Variants in TSHZ3 observed in about 807,000 individuals in gnomAD.
TSHZ3 encodes teashirt homolog 3.
A neutral mutation model predicts 64.5 loss-of-function variants in TSHZ3; 10 were observed. The ratio of observed to expected loss-of-function variants is 0.16; its 90% CI spans 0.10 to 0.26. The LOEUF (loss-of-function observed/expected upper bound fraction) is 0.26. Ranked by LOEUF, TSHZ3 falls within the 10% of genes least tolerant of loss-of-function variation. TSHZ3 has a pLI of 1.00. For synonymous variants in TSHZ3, 608 were observed against 593.1 expected (o/e 1.03, Z -0.36); for missense variants, 1,242 against 1,421.7 (o/e 0.87, Z 2.03).
At chr19:31,283,257 C>A (rs1837629288) in intron 1 of TSHZ3, among the ~76,000 whole-genome samples, 1 of 152,152 alleles carries the variant, frequency 6.6e-6, no homozygotes, top group Non-Finnish European at 1.5e-5. Flanking sequence ...TCACTTGAAC[C>A]CGGAGGTGGA....
intron 5 of TSHZ3, among the ~76,000 whole-genome samples, chr19:31,197,499 A>T (rs909660246): frequency 3.3e-5 from 5 of 151,678 alleles, no homozygotes; most frequent in Non-Finnish European, 7.4e-5. Flanking sequence ...GAAAAAAAAA[A>T]TAGAGAAAAT....
At chr19:31,322,684 T>G (rs943601476) in intron 1 of TSHZ3, among the ~76,000 whole-genome samples, 1 of 152,204 alleles carries the variant, frequency 6.6e-6, no homozygotes, top group Non-Finnish European at 1.5e-5. Flanking sequence ...CCTCCCAAAG[T>G]GCTAGGATTA....
At position 31,279,814 on chromosome 19, in the gene TSHZ3, A is replaced by C; in HGVS notation, c.41-62T>G. The C allele has an allele frequency of 7.2e-7, 1 of 1,388,080 alleles. No individual in the cohort carries two copies. Among genetic ancestry groups the C allele is most frequent in the Non-Finnish European group, 9.5e-7 (1 of 1,051,756 alleles). 86.0% of individuals were successfully genotyped at this position (1,388,080 alleles called of 1,614,324 possible). ...GATGGAATGAAGAGAGACAGGGAGA[A>C]GGAGAGAAAGAAAAAAAAAAGCATT... is the stretch of plus-strand genomic sequence containing the variant. On this transcript the variant is annotated intron_variant, in intron 1 of 1. Transcript: ENST00000240587. The surrounding 1 kb of genome is among the most constrained non-coding windows in gnomAD (Gnocchi z 6.4).
At chr19:31,265,451 A>T (rs1976043197) in intron 1 of TSHZ3, among the ~76,000 whole-genome samples, 1 of 151,684 alleles carries the variant, frequency 6.6e-6, no homozygotes, top group African/African-American at 2.4e-5. Flanking sequence ...AAAGAAAAGA[A>T]AAGAAAAGAA....
intron 5 of TSHZ3, among the ~76,000 whole-genome samples, chr19:31,196,056 A>G (rs1030922414): frequency 2.0e-5 from 3 of 151,820 alleles, no homozygotes; most frequent in Non-Finnish European, 4.4e-5. Flanking sequence ...TGACCAAAAC[A>G]TAAGGCATGA....
At chr19:31,343,445 T>C (rs1292615177) in intron 1 of TSHZ3, among the ~76,000 whole-genome samples, 4 of 152,140 alleles carry the variant, frequency 2.6e-5, no homozygotes, top group Non-Finnish European at 2.9e-5. Flanking sequence ...CCCAAGAATC[T>C]AAATGCTGAT....
intron 3 of TSHZ3, among the ~76,000 whole-genome samples, chr19:31,242,055 G>A (rs1230666214): frequency 6.6e-6 from 1 of 152,178 alleles, no homozygotes; most frequent in Non-Finnish European, 1.5e-5. Flanking sequence ...CATTTCCTCA[G>A]TGGATTTTTA....
intron 1 of TSHZ3, among the ~76,000 whole-genome samples, chr19:31,307,256 T>C (rs955697776): frequency 1.3e-5 from 2 of 151,904 alleles, no homozygotes; most frequent in African/African-American, 4.8e-5. Flanking sequence ...TCAGCCTGGG[T>C]AGGAAAGAGT....
intron 1 of TSHZ3, among the ~76,000 whole-genome samples, chr19:31,322,217 T>A (rs1278945648): frequency 1.3e-5 from 2 of 152,130 alleles, no homozygotes; most frequent in African/African-American, 4.8e-5. Context: ...CCTATTGCAA[T>A]CTCTATCTCC....
At chr19:31,214,449 A>G (rs552141249) in intron 4 of TSHZ3, among the ~76,000 whole-genome samples, 58 of 152,360 alleles carry the variant, frequency 3.8e-4, no homozygotes, top group African/African-American at 1.1e-3. Flanking sequence ...AGTGGAGACA[A>G]CAGCAGATTG....
intron 1 of TSHZ3, among the ~76,000 whole-genome samples, chr19:31,259,979 C>T: frequency 6.6e-6 from 1 of 152,126 alleles, no homozygotes; most frequent in South Asian, 2.1e-4. Context: ...GGAACGCTTC[C>T]AACTTGACTT....
intron 5 of TSHZ3, among the ~76,000 whole-genome samples, chr19:31,173,984 C>T (rs1974572639): frequency 6.6e-6 from 1 of 152,238 alleles, no homozygotes; most frequent in Admixed American, 6.5e-5. Context: ...AGGAGAATCA[C>T]TTGAACCCAG....
chr19:31,314,815 A>G (rs1916558765), intron 1 of TSHZ3, among the ~76,000 whole-genome samples: 1 of 152,196 alleles, frequency 6.6e-6, no homozygotes. Flanking sequence ...AGTGAAATAA[A>G]AAGAAGGGGA....
At chr19:31,284,866 C>T (rs968135631) in intron 1 of TSHZ3, among the ~76,000 whole-genome samples, 1 of 152,052 alleles carries the variant, frequency 6.6e-6, no homozygotes, top group Non-Finnish European at 1.5e-5. Flanking sequence ...GTCAATGGGA[C>T]GAATGAATGA....
At chr19:31,288,175 G>A (rs1020479497) in intron 1 of TSHZ3, among the ~76,000 whole-genome samples, 4 of 152,070 alleles carry the variant, frequency 2.6e-5, no homozygotes, top group Non-Finnish European at 5.9e-5. Flanking sequence ...GAAGGGGATG[G>A]AGGAAGGATG....
chr19:31,314,684 A>G (rs1019558584), intron 1 of TSHZ3, among the ~76,000 whole-genome samples: 1 of 152,242 alleles, frequency 6.6e-6, no homozygotes, highest in Non-Finnish European at 1.5e-5. Flanking sequence ...GTTAGATTAC[A>G]TTAATTAACT....
chr19:31,298,498 C>T (rs905048188), intron 1 of TSHZ3, among the ~76,000 whole-genome samples: 5 of 152,122 alleles, frequency 3.3e-5, no homozygotes, highest in Non-Finnish European at 5.9e-5. Flanking sequence ...TGAGACACTT[C>T]GGCACCAAGC....
intron 4 of TSHZ3, among the ~76,000 whole-genome samples, chr19:31,216,284 A>T (rs966301568): frequency 6.6e-6 from 1 of 152,150 alleles, no homozygotes; most frequent in Non-Finnish European, 1.5e-5. Context: ...TCTCAAGCTG[A>T]GCACACAACT....
chr19:31,305,798 A>G (rs923106808), intron 1 of TSHZ3: 2 of 152,224 alleles, frequency 1.3e-5, no homozygotes, highest in Non-Finnish European at 2.9e-5. Context: ...CAAGTCAGGA[A>G]TAACTGTTTC....
Sources: gnomAD v4.1 joint callset for allele counts (sites outside exome capture counted in the v4.1 genomes callset) on GRCh38, gnomAD v4.1.1 for gene constraint, Gnocchi (gnomAD v3.1) non-coding constraint, MANE v1.5 for transcripts, NCBI Gene and HGNC (gene_info 2026-07-23, HGNC 2026-07-21) for gene names.